DDX31: variants seen among roughly 807,000 people sequenced by gnomAD.
DDX31 encodes the protein ATP-dependent DNA helicase DDX31.
DDX31 carries 70 observed loss-of-function variants against 91.3 expected under a neutral mutation model. The observed-to-expected ratio is 0.77, with a 90% confidence interval of 0.63 to 0.94. DDX31 has a LOEUF of 0.94. Among genes scored for constraint, DDX31 ranks in the 40% least tolerant of loss-of-function variants. DDX31 has a pLI of 0.00. For synonymous variants in DDX31, 362 were observed against 350.6 expected (o/e 1.03, Z -0.36); for missense variants, 902 against 925.0 (o/e 0.98, Z 0.32).
chr9:132,639,165 G>A (rs1189056503), intron 14 of DDX31, among the ~76,000 whole-genome samples: 2 of 152,124 alleles, frequency 1.3e-5, no homozygotes, highest in African/African-American at 4.8e-5. Context: ...TACAGCGTGT[G>A]TGTCCCACTC....
At chr9:132,609,773 C>G (rs151264246) in intron 19 of DDX31, among the ~76,000 whole-genome samples, 1,640 of 152,258 alleles carry the variant, frequency 0.011, 25 homozygotes, top group African/African-American at 0.038. Flanking sequence ...AGGCGCCTGT[C>G]ACCACGCCTG....
chr9:132,646,528 T>TAC (rs1258090254), intron 12 of DDX31, among the ~76,000 whole-genome samples: 1 of 152,156 alleles, frequency 6.6e-6, no homozygotes, highest in Non-Finnish European at 1.5e-5. Context: ...CACAAGCCCC[T>TAC]ACGTCTGCCT....
intron 17 of DDX31, among the ~76,000 whole-genome samples, chr9:132,622,440 GAC>G (rs1401540841): frequency 6.6e-6 from 1 of 152,212 alleles, no homozygotes; most frequent in Non-Finnish European, 1.5e-5. Context: ...GCTTGTTGCT[GAC>G]AGAGTGGAGG....
intron 9 of DDX31, among the ~76,000 whole-genome samples, chr9:132,649,404 T>C (rs1834042168): frequency 6.6e-6 from 1 of 152,214 alleles, no homozygotes; most frequent in Non-Finnish European, 1.5e-5. Context: ...ATGCAATGGT[T>C]GGAGTGCCTG....
chr9:132,601,325 A>G (rs1210799228), intron 19 of DDX31, among the ~76,000 whole-genome samples: 1 of 152,248 alleles, frequency 6.6e-6, no homozygotes, highest in African/African-American at 2.4e-5. Context: ...GTAGGGTGGC[A>G]TAACTGTCAC....
intron 14 of DDX31, among the ~76,000 whole-genome samples, chr9:132,636,380 G>C (rs142424454): frequency 1.3e-5 from 2 of 152,346 alleles, no homozygotes; most frequent in Non-Finnish European, 2.9e-5. Context: ...GTGAAGAACT[G>C]ATTTCTTGTC....
rs529238070 is a variant in DDX31, at chr9:132,662,643, G to A, written c.128C>T (p.Ala43Val). The A allele has an allele frequency of 7.6e-5, 122 of 1,614,136 alleles. No individual in the cohort carries two copies. Among genetic ancestry groups the A allele is most frequent in the Non-Finnish European group, 9.3e-5 (110 of 1,180,030 alleles). Residue 43 changes from alanine (A) to valine (V), a missense_variant, in exon 2 of 20, where the codon GCG becomes GTG. Transcript: ENST00000372159. ...KYQASSEAPP[A>V]KRRNETSFLP... ...AAATGAAGTTTCGTTCCTCCGTTTC[G>A]CTGGGGGAGCCTCACTGGACGCTTG... is the stretch of plus-strand genomic sequence containing the variant.
chr9:132,654,023 A>G (rs773538159), intron 6 of DDX31, among the ~76,000 whole-genome samples: 2 of 152,212 alleles, frequency 1.3e-5, no homozygotes, highest in Non-Finnish European at 2.9e-5. Flanking sequence ...GGGCCATTTT[A>G]TATCAGCAAG....
chr9:132,648,170 T>C lies in DDX31; in HGVS notation c.967+19A>G. ...TTCATTAAGAACAAAGAAGGACCCA[T>C]CACTTCTTTTCAACTCACCTTCTGT... is the stretch of plus-strand genomic sequence containing the variant. On this transcript the variant is annotated intron_variant, in intron 11 of 19. Transcript: ENST00000372159. 1 of 1,583,470 alleles carries C rather than the reference T, an allele frequency of 6.3e-7. No homozygotes were observed. Among genetic ancestry groups the C allele is most frequent in the Non-Finnish European group, 8.6e-7 (1 of 1,158,368 alleles).
chr9:132,616,249 TTAGCAA>T (rs1160678472), intron 18 of DDX31, among the ~76,000 whole-genome samples: 38 of 152,190 alleles, frequency 2.5e-4, no homozygotes, highest in Non-Finnish European at 5.0e-4. Context: ...TGGAAATTGA[TTAGCAA>T]ATAAGAGACA....
Position 132,661,264 on chromosome 9 carries a change from A to T in DDX31, c.409-13T>A. The T allele has an allele frequency of 1.3e-6, 2 of 1,584,366 alleles. No homozygotes were observed. The highest frequency in any genetic ancestry group is 1.7e-6 in the Non-Finnish European group (2 of 1,158,048). ...TTATTGTGGAAATCTAAAAGAGGAGATGAAAAAGCTTTAATTAATATTTTG... is the reference window on the plus strand; with the variant it reads ...TTATTGTGGAAATCTAAAAGAGGAGTTGAAAAAGCTTTAATTAATATTTTG... On this transcript the variant is annotated splice_polypyrimidine_tract_variant and intron_variant, in intron 3 of 19. Transcript: ENST00000372159.
At chr9:132,636,595 G>A (rs1027740275) in intron 14 of DDX31, among the ~76,000 whole-genome samples, 2 of 152,242 alleles carry the variant, frequency 1.3e-5, no homozygotes, top group African/African-American at 4.8e-5. Context: ...AAGGGCGCCA[G>A]CAGCCTGTCA....
intron 13 of DDX31, among the ~76,000 whole-genome samples, chr9:132,643,040 T>G (rs1173142484): frequency 1.3e-5 from 2 of 152,142 alleles, no homozygotes; most frequent in East Asian, 1.9e-4. Flanking sequence ...CTCAGGCTGG[T>G]CTCGAACGCC....
At chr9:132,653,463 C>T (rs1382200584) in intron 6 of DDX31, among the ~76,000 whole-genome samples, 1 of 116,396 alleles carries the variant, frequency 8.6e-6, no homozygotes. Flanking sequence ...CATTGTGCTC[C>T]AGCCTGGGCA....
At position 132,595,752 on chromosome 9, in the gene DDX31, C is replaced by T. The variant is rs1283672449; in HGVS notation, c.1995-640G>A. Among the ~76,000 whole-genome samples the T allele has an allele frequency of 6.6e-6, 1 of 152,214 alleles. No homozygotes were observed. Among genetic ancestry groups the T allele is most frequent in the East Asian group, 1.9e-4 (1 of 5,202 alleles). On this transcript the variant is annotated intron_variant, in intron 19 of 19. Coordinates refer to ENST00000372159, the MANE Select transcript of DDX31 (RefSeq NM_022779.9). The surrounding 1 kb of genome is among the most constrained non-coding windows in gnomAD (Gnocchi z 4.6). ...TCTGCATCTAGGATTAGACCAGCAG[C>T]TTTCTGCAGCCCACACAAACCCGGG...
At chr9:132,664,378 C>T (rs1020599533) in intron 1 of DDX31, among the ~76,000 whole-genome samples, 2 of 152,096 alleles carry the variant, frequency 1.3e-5, no homozygotes, top group African/African-American at 4.8e-5. Flanking sequence ...AGAGTTAAAC[C>T]CATTAGGTTT....
chr9:132,605,944 C>T (rs1369639558), intron 19 of DDX31, among the ~76,000 whole-genome samples: 1 of 151,994 alleles, frequency 6.6e-6, no homozygotes, highest in African/African-American at 2.4e-5. Context: ...CAGGAAGACT[C>T]GGTGGGAGAC....
chr9:132,648,824 ATC>A (rs1834001903), intron 9 of DDX31, among the ~76,000 whole-genome samples: 1 of 152,212 alleles, frequency 6.6e-6, no homozygotes, highest in Non-Finnish European at 1.5e-5. Context: ...AATGCTCTTT[ATC>A]TGACTCATAA....
At chr9:132,620,515 T>G (rs1357702362) in intron 17 of DDX31, among the ~76,000 whole-genome samples, 1 of 151,764 alleles carries the variant, frequency 6.6e-6, no homozygotes, top group Non-Finnish European at 1.5e-5. Context: ...GTTCACAGGT[T>G]TGAAATGATA....
Sources: gnomAD v4.1 joint callset for allele counts (sites outside exome capture counted in the v4.1 genomes callset) on GRCh38, gnomAD v4.1.1 for gene constraint, Gnocchi (gnomAD v3.1) non-coding constraint, MANE v1.5 for transcripts, NCBI Gene and HGNC (gene_info 2026-07-23, HGNC 2026-07-21) for gene names.